BCAR3: variants seen among roughly 807,000 people sequenced by gnomAD.
The protein encoded by BCAR3 is breast cancer anti-estrogen resistance protein 3.
Under a neutral mutation model 80.1 loss-of-function variants are expected in BCAR3, and 37 were observed. The observed-to-expected ratio is 0.46, with a 90% CI of 0.36 to 0.61. The LOEUF (loss-of-function observed/expected upper bound fraction) is 0.61, where lower values mean the gene tolerates loss of function less well. BCAR3 is among the 20% of genes least tolerant of loss of function. BCAR3 has a pLI of 0.00. For missense variants in BCAR3, 978 were observed against 1,068.2 expected (o/e 0.92, Z 1.18); for synonymous variants, 389 against 418.9 (o/e 0.93, Z 0.87).
At chr1:93,563,876 T>TAGAGACGG (rs1196358668) in intron 11 of BCAR3, among the ~76,000 whole-genome samples, 1 of 152,100 alleles carries the variant, frequency 6.6e-6, no homozygotes, top group African/African-American at 2.4e-5. Context: ...GTATTTTCAG[T>TAGAGACGG]AGAGACGGGG....
chr1:93,831,047 G>T (rs1654545311), intron 2 of BCAR3, among the ~76,000 whole-genome samples: 2 of 152,068 alleles, frequency 1.3e-5, no homozygotes, highest in African/African-American at 4.8e-5. Flanking sequence ...CAAAACTCTG[G>T]TGGCGGTCAC....
rs552844604 is a variant in BCAR3, at chr1:93,834,261, T to C, written c.-63+11306A>G. On this transcript the variant is annotated intron_variant, in intron 2 of 13. Coordinates refer to the BCAR3 transcript ENST00000370244. ...ACCTGTCCAAAAACCAGACAAGTCT[T>C]ACAGGTTAGTTCAGGATCTGCGCTT... Among the ~76,000 whole-genome samples, 3 of 152,300 alleles carry C rather than the reference T, an allele frequency of 2.0e-5. No homozygotes were observed. The South Asian group carries it at 6.2e-4, about 32-fold the overall frequency.
At chr1:93,566,452 C>G (rs533984641) in intron 11 of BCAR3, among the ~76,000 whole-genome samples, 2 of 152,272 alleles carry the variant, frequency 1.3e-5, no homozygotes, top group Admixed American at 6.5e-5. Flanking sequence ...CCAGTTAGCA[C>G]GGTGCCGCGC....
intron 3 of BCAR3, among the ~76,000 whole-genome samples, chr1:93,698,864 C>T (rs1649528148): frequency 6.6e-6 from 1 of 152,212 alleles, no homozygotes; most frequent in South Asian, 2.1e-4. Context: ...CGACAGCCCA[C>T]AGGTTCTAAC....
intron 2 of BCAR3, among the ~76,000 whole-genome samples, chr1:93,740,031 G>A (rs1198805342): frequency 1.4e-5 from 2 of 141,488 alleles, no homozygotes; most frequent in Non-Finnish European, 3.0e-5. Context: ...GTGAAACTCC[G>A]TCTCAAAAAA....
intron 3 of BCAR3, among the ~76,000 whole-genome samples, chr1:93,615,978 A>G (rs1308338155): frequency 6.6e-6 from 1 of 152,216 alleles, no homozygotes; most frequent in Non-Finnish European, 1.5e-5. Flanking sequence ...AGAGACTCCG[A>G]AGCCCAGACA....
intron 3 of BCAR3, among the ~76,000 whole-genome samples, chr1:93,609,913 C>T (rs976918239): frequency 1.3e-5 from 2 of 152,252 alleles, no homozygotes; most frequent in African/African-American, 4.8e-5. Flanking sequence ...CTGATCCTCG[C>T]CACTCCTGCC....
intron 2 of BCAR3, among the ~76,000 whole-genome samples, chr1:93,668,027 A>G (rs575529026): frequency 6.6e-6 from 1 of 152,304 alleles, no homozygotes; most frequent in African/African-American, 2.4e-5. Flanking sequence ...GTTTCAACAT[A>G]TATTGAGGGG....
chr1:93,716,929 T>C (rs779133640), intron 2 of BCAR3, among the ~76,000 whole-genome samples: 2 of 152,222 alleles, frequency 1.3e-5, no homozygotes, highest in Non-Finnish European at 2.9e-5. Flanking sequence ...AAGCTGTAGA[T>C]GGGCTCGGTA....
At chr1:93,701,915 G>A (rs1431984208) in intron 3 of BCAR3, among the ~76,000 whole-genome samples, 1 of 152,158 alleles carries the variant, frequency 6.6e-6, no homozygotes, top group Non-Finnish European at 1.5e-5. Context: ...GGTGGGACTG[G>A]GCTGTGCTCC....
chr1:93,830,493 C>T (rs1654521571), intron 2 of BCAR3, among the ~76,000 whole-genome samples: 1 of 152,150 alleles, frequency 6.6e-6, no homozygotes, highest in African/African-American at 2.4e-5. Context: ...AGCGATTAAC[C>T]TTGTGAAATT....
At chr1:93,730,235 C>A (rs1267174379) in intron 2 of BCAR3, among the ~76,000 whole-genome samples, 4 of 152,144 alleles carry the variant, frequency 2.6e-5, no homozygotes, top group Non-Finnish European at 5.9e-5. Flanking sequence ...CTGGCTCACT[C>A]CTGCCCATCC....
intron 9 of BCAR3, among the ~76,000 whole-genome samples, chr1:93,569,826 G>A (rs1052455603): frequency 6.6e-6 from 1 of 152,192 alleles, no homozygotes; most frequent in South Asian, 2.1e-4. Context: ...TTGATGTCAT[G>A]GATGGCAACC....
chr1:93,576,920 C>A (rs994722782), intron 7 of BCAR3, among the ~76,000 whole-genome samples: 1 of 152,122 alleles, frequency 6.6e-6, no homozygotes, highest in African/African-American at 2.4e-5. Flanking sequence ...TTTGGGAGGC[C>A]AAGGTGGGGG....
intron 2 of BCAR3, among the ~76,000 whole-genome samples, chr1:93,667,268 G>T (rs908247406): frequency 2.0e-5 from 3 of 152,246 alleles, no homozygotes; most frequent in Non-Finnish European, 4.4e-5. Flanking sequence ...GACCAGGTGG[G>T]AGCTAGGAGC....
chr1:93,579,980 C>T (rs917673789), intron 7 of BCAR3, among the ~76,000 whole-genome samples: 5 of 152,364 alleles, frequency 3.3e-5, no homozygotes, highest in Admixed American at 2.6e-4. Context: ...GAGCACTGCC[C>T]GAGGCCATCT....
intron 9 of BCAR3, among the ~76,000 whole-genome samples, chr1:93,568,306 C>G (rs1340834615): frequency 6.6e-6 from 1 of 152,102 alleles, no homozygotes; most frequent in African/African-American, 2.4e-5. Context: ...AAAATAATCC[C>G]CCATCCGCCC....
intron 2 of BCAR3, among the ~76,000 whole-genome samples, chr1:93,654,102 A>G (rs1647249964): frequency 6.6e-6 from 1 of 152,182 alleles, no homozygotes; most frequent in Admixed American, 6.5e-5. Context: ...CACCAGTCCA[A>G]CTTCATGGTG....
At chr1:93,605,935 T>A (rs1674759825) in intron 3 of BCAR3, among the ~76,000 whole-genome samples, 1 of 152,094 alleles carries the variant, frequency 6.6e-6, no homozygotes, top group Non-Finnish European at 1.5e-5. Flanking sequence ...CAGCGTGGGG[T>A]GTAGAACAAA....
Sources: gnomAD v4.1 joint callset for allele counts (sites outside exome capture counted in the v4.1 genomes callset) on GRCh38, gnomAD v4.1.1 for gene constraint, MANE v1.5 for transcripts, NCBI Gene and HGNC (gene_info 2026-07-23, HGNC 2026-07-21) for gene names.